KIRREL3: variants seen among roughly 807,000 people sequenced by gnomAD.
KIRREL3 encodes kirre like nephrin family adhesion molecule 3, also known as kin of IRRE-like protein 3.
KIRREL3 carries 36 observed loss-of-function variants against 89.7 expected under a neutral mutation model. That is an observed-to-expected ratio of 0.40 (90% CI 0.31 to 0.53). The LOEUF (loss-of-function observed/expected upper bound fraction) is 0.53. Among genes scored for constraint, KIRREL3 ranks in the 20% least tolerant of loss-of-function variants. The pLI, the probability that KIRREL3 is intolerant of heterozygous loss-of-function variation, is 0.49. For missense variants in KIRREL3, 864 were observed against 1,056.6 expected (o/e 0.82, Z 2.53); for synonymous variants, 445 against 441.4 (o/e 1.01, Z -0.10).
chr11:126,609,487 C>T lies in KIRREL3; in HGVS notation c.56-46575G>A, dbSNP rs1565589980. Among the ~76,000 whole-genome samples, 1 of 152,142 alleles carries T rather than the reference C, an allele frequency of 6.6e-6. No homozygotes were observed. The highest frequency in any genetic ancestry group is 1.5e-5 in the Non-Finnish European group (1 of 67,994). On this transcript the variant is annotated intron_variant, in intron 1 of 16. Transcript: ENST00000525144. This position sits in a 1 kb window ranked among gnomAD's most constrained non-coding sequence, Gnocchi z 5.0. ...AGCCTACCTGAAGTGAATGTGAGGC[C>T]GAGAGGCTTCGTGAAAGGTTAAGTG... is the stretch of plus-strand genomic sequence containing the variant.
intron 1 of KIRREL3, among the ~76,000 whole-genome samples, chr11:126,695,036 T>C (rs1416767112): frequency 6.6e-6 from 1 of 152,168 alleles, no homozygotes; most frequent in African/African-American, 2.4e-5. Flanking sequence ...AGCTAAAGCA[T>C]TATGGGAACC....
At chr11:126,529,067 A>G (rs1307709539) in intron 2 of KIRREL3, among the ~76,000 whole-genome samples, 1 of 152,184 alleles carries the variant, frequency 6.6e-6, no homozygotes, top group African/African-American at 2.4e-5. Flanking sequence ...TAAATGAAGC[A>G]GTGCCCGAGC....
At chr11:126,701,747 C>T (rs1347078411) in intron 1 of KIRREL3, among the ~76,000 whole-genome samples, 1 of 152,040 alleles carries the variant, frequency 6.6e-6, no homozygotes, top group Non-Finnish European at 1.5e-5. Flanking sequence ...CCACTCCCAG[C>T]CTGGGGAGAA....
intron 1 of KIRREL3, among the ~76,000 whole-genome samples, chr11:126,726,954 G>A (rs964221688): frequency 6.6e-6 from 1 of 152,170 alleles, no homozygotes; most frequent in Non-Finnish European, 1.5e-5. Flanking sequence ...ACACAGGGAG[G>A]TCAGCTGCTT....
At chr11:126,556,853 C>T (rs1939745778) in intron 2 of KIRREL3, among the ~76,000 whole-genome samples, 1 of 152,182 alleles carries the variant, frequency 6.6e-6, no homozygotes, top group South Asian at 2.1e-4. Flanking sequence ...CCCTGTAAAT[C>T]TGACTCTTGC....
rs964303542 is a variant in KIRREL3, at chr11:126,571,119, C to G, written c.56-8207G>C. ...TGGTGCGTCGTGCCATGCTCTGTCT[C>G]CATTCTCTGTGAGATTCGACTCCCA... On this transcript the variant is annotated intron_variant, in intron 1 of 16. Coordinates refer to ENST00000525144, the MANE Select transcript of KIRREL3 (RefSeq NM_032531.4). The surrounding 1 kb of genome is among the most constrained non-coding windows in gnomAD (Gnocchi z 7.7). Among the ~76,000 whole-genome samples the G allele has an allele frequency of 6.6e-6, 1 of 152,172 alleles. No homozygotes were observed. The highest frequency in any genetic ancestry group is 2.4e-5 in the African/African-American group (1 of 41,444).
rs552669590 is a variant in KIRREL3 at position 126,668,628 on chromosome 11, G to A, written c.56-105716C>T. Among the ~76,000 whole-genome samples the A allele has an allele frequency of 2.0e-5, 3 of 152,072 alleles. No individual in the cohort carries two copies. The highest frequency in any genetic ancestry group is 2.9e-5 in the Non-Finnish European group (2 of 68,002). Reference sequence around the variant, plus strand: ...GGATGACAGAGAGGCCCCCCTTCTCGGTTTTCTCAGATAGCATGCCATTTG... The same window carrying A: ...GGATGACAGAGAGGCCCCCCTTCTCAGTTTTCTCAGATAGCATGCCATTTG... On this transcript the variant is annotated intron_variant, in intron 1 of 16. Transcript: ENST00000525144. This position sits in a 1 kb window ranked among gnomAD's most constrained non-coding sequence, Gnocchi z 4.4.
intron 1 of KIRREL3, among the ~76,000 whole-genome samples, chr11:126,928,401 G>A (rs1411293806): frequency 6.6e-6 from 1 of 152,238 alleles, no homozygotes; most frequent in Non-Finnish European, 1.5e-5. Flanking sequence ...TCATCCTTTA[G>A]GCAATGGGCA....
intron 7 of KIRREL3, among the ~76,000 whole-genome samples, 173 bp from the exon 8 acceptor site, chr11:126,449,330 A>G (rs554259931): frequency 1.3e-5 from 2 of 152,338 alleles, no homozygotes; most frequent in Non-Finnish European, 2.9e-5. Flanking sequence ...GGGCTCAGAA[A>G]GAGTTGGTTT....
intron 1 of KIRREL3, among the ~76,000 whole-genome samples, chr11:126,868,840 T>A (rs1470098676): frequency 6.6e-6 from 1 of 152,152 alleles, no homozygotes; most frequent in African/African-American, 2.4e-5. Flanking sequence ...ACCAAGGCAC[T>A]GGCAGATTAG....
intron 1 of KIRREL3, among the ~76,000 whole-genome samples, chr11:126,792,474 G>A (rs960750955): frequency 1.3e-5 from 2 of 152,140 alleles, no homozygotes; most frequent in South Asian, 2.1e-4. Context: ...GCCAAAACTC[G>A]TGTACGTAAC....
rs1281671781 is a variant in KIRREL3 at position 126,484,005 on chromosome 11, G to A, written c.434-10539C>T. 1.3e-5 allele frequency among the ~76,000 whole-genome samples: 2 copies of A among 152,198 alleles called. No individual in the cohort carries two copies. Among genetic ancestry groups the A allele is most frequent in the Admixed American group, 6.5e-5 (1 of 15,280 alleles). On this transcript the variant is annotated intron_variant, in intron 4 of 16. Coordinates refer to ENST00000525144, the MANE Select transcript of KIRREL3 (RefSeq NM_032531.4). The surrounding 1 kb of genome is among the most constrained non-coding windows in gnomAD (Gnocchi z 5.2). Reference sequence around the variant, plus strand: ...GCCCGCCTCAGCAGGTACATGTGGTGCCTGGCGCCATTACCACCTGTTGTT... The same window carrying A: ...GCCCGCCTCAGCAGGTACATGTGGTACCTGGCGCCATTACCACCTGTTGTT...
At position 126,572,101 on chromosome 11, in the gene KIRREL3, T is replaced by C. The variant is rs991647120; in HGVS notation, c.56-9189A>G. Among the ~76,000 whole-genome samples the C allele has an allele frequency of 3.9e-5, 6 of 152,202 alleles. No homozygotes were observed. The East Asian group carries it at 9.6e-4, about 24-fold the overall frequency. On this transcript the variant is annotated intron_variant, in intron 1 of 16. Transcript: ENST00000525144. ...CCCTGGGGAGGCTCAGCCTGGTCCA[T>C]TCAGTCCATCATGGCTGGGAGGCCA... is the stretch of plus-strand genomic sequence containing the variant.
rs915543639 is a variant in KIRREL3 at position 126,993,177 on chromosome 11, C to T, written c.55+7278G>A. Among the ~76,000 whole-genome samples the T allele has an allele frequency of 2.0e-5, 3 of 152,216 alleles. No individual in the cohort carries two copies. The highest frequency in any genetic ancestry group is 7.2e-5 in the African/African-American group (3 of 41,464). ...TAAACCCGTGATGTAGAGAGGACCACAAACCCATAGGCTACTAGCAATGTT... is the reference window on the plus strand; with the variant it reads ...TAAACCCGTGATGTAGAGAGGACCATAAACCCATAGGCTACTAGCAATGTT... On this transcript the variant is annotated intron_variant, in intron 1 of 16. Coordinates refer to ENST00000525144, the MANE Select transcript of KIRREL3 (RefSeq NM_032531.4). The surrounding 1 kb of genome is among the most constrained non-coding windows in gnomAD (Gnocchi z 6.1).
intron 11 of KIRREL3, among the ~76,000 whole-genome samples, chr11:126,439,526 G>T (rs1415602232): frequency 6.7e-6 from 1 of 149,148 alleles, no homozygotes; most frequent in Non-Finnish European, 1.5e-5. Context: ...TTAAAAAAAT[G>T]CAGATACTGG....
Position 126,575,935 on chromosome 11 carries a change from A to G in KIRREL3, c.56-13023T>C, listed in dbSNP as rs764225342. On this transcript the variant is annotated intron_variant, in intron 1 of 16. Transcript: ENST00000525144. This position sits in a 1 kb window ranked among gnomAD's most constrained non-coding sequence, Gnocchi z 7.0. ...TATTCATACCTCTTCATTCATTCAT[A>G]CCTTTGCTATGAGACTCCCTTATAG... Among the ~76,000 whole-genome samples the G allele has an allele frequency of 1.3e-4, 19 of 151,896 alleles. No homozygotes were observed. The highest frequency in any genetic ancestry group is 2.5e-4 in the Non-Finnish European group (17 of 67,978).
At chr11:126,901,868 C>A (rs1483954107) in intron 1 of KIRREL3, among the ~76,000 whole-genome samples, 1 of 152,190 alleles carries the variant, frequency 6.6e-6, no homozygotes, top group Non-Finnish European at 1.5e-5. Context: ...AAGAAACAAC[C>A]AGTGAGTTTT....
chr11:126,559,394 C>G (rs1939943968), intron 2 of KIRREL3, among the ~76,000 whole-genome samples: 2 of 152,304 alleles, frequency 1.3e-5, no homozygotes, highest in South Asian at 4.1e-4. Context: ...GGGCGAAGGC[C>G]CAGGGAGAGG....
chr11:126,741,937 C>T (rs1314873731), intron 1 of KIRREL3, among the ~76,000 whole-genome samples: 1 of 152,168 alleles, frequency 6.6e-6, no homozygotes, highest in Non-Finnish European at 1.5e-5. Flanking sequence ...CATTCCATTG[C>T]TCTTTTCATT....
Sources: allele counts gnomAD v4.1 joint callset (sites outside exome capture counted in the v4.1 genomes callset), GRCh38; gene constraint gnomAD v4.1.1; non-coding constraint Gnocchi (gnomAD v3.1); transcripts MANE v1.5; gene names NCBI Gene and HGNC (gene_info 2026-07-23, HGNC 2026-07-21).